RAPGEF5: variants seen among roughly 807,000 people sequenced by gnomAD.
The protein encoded by RAPGEF5 is Rap guanine nucleotide exchange factor 5.
RAPGEF5 carries 65 observed loss-of-function variants against 125.2 expected under a neutral mutation model. The ratio of observed to expected loss-of-function variants is 0.52; its 90% CI spans 0.43 to 0.64. The LOEUF (loss-of-function observed/expected upper bound fraction) is 0.64. Ranked by LOEUF, RAPGEF5 falls within the 30% of genes least tolerant of loss-of-function variation. The pLI, the probability that RAPGEF5 is intolerant of heterozygous loss-of-function variation, is 0.00. For synonymous variants in RAPGEF5, 391 were observed against 385.9 expected (o/e 1.01, Z -0.16); for missense variants, 958 against 1,048.1 (o/e 0.91, Z 1.19).
intron 9 of RAPGEF5, among the ~76,000 whole-genome samples, chr7:22,205,409 T>C (rs1243703015): frequency 6.6e-6 from 1 of 152,210 alleles, no homozygotes; most frequent in Non-Finnish European, 1.5e-5. Flanking sequence ...TGATTTGAAG[T>C]ACTCGACTGT....
In RAPGEF5 at chr7:22,263,903, C is replaced by T. The variant is rs568993467; in HGVS notation, c.796+3061G>A. Among the ~76,000 whole-genome samples, 652 of 152,076 alleles carry T rather than the reference C, an allele frequency of 4.3e-3. 6 individuals carry two copies. The highest frequency in any genetic ancestry group is 7.0e-3 in the Non-Finnish European group (473 of 67,998). ...ATAACTTTCAAATTTCTTCTTCATT[C>T]ATTCCTGTATTATAAAAGTTTTTTT... On this transcript the variant is annotated intron_variant, in intron 7 of 25. Transcript: ENST00000665637.
intron 7 of RAPGEF5, among the ~76,000 whole-genome samples, chr7:22,239,792 T>G (rs150041835): frequency 6.6e-6 from 1 of 152,184 alleles, no homozygotes; most frequent in Non-Finnish European, 1.5e-5. Flanking sequence ...GTATCTCATA[T>G]CGGTTCCTTT....
At chr7:22,139,272 G>A (rs968333518) in intron 21 of RAPGEF5, among the ~76,000 whole-genome samples, 6 of 152,140 alleles carry the variant, frequency 3.9e-5, no homozygotes, top group Admixed American at 6.5e-5. Flanking sequence ...AGAGGCAGAG[G>A]CATGATGCTT....
intron 20 of RAPGEF5, among the ~76,000 whole-genome samples, chr7:22,143,752 C>T (rs569006447): frequency 4.9e-4 from 75 of 152,312 alleles, no homozygotes; most frequent in Non-Finnish European, 8.8e-4. Context: ...TATGAGCTCT[C>T]GCTCCTCTAA....
At chr7:22,302,267 G>A (rs1480348346) in intron 5 of RAPGEF5, among the ~76,000 whole-genome samples, 2 of 152,208 alleles carry the variant, frequency 1.3e-5, no homozygotes, top group Non-Finnish European at 2.9e-5. Context: ...TTCTATCACA[G>A]TAATATTAGC....
At chr7:22,348,345 T>C (rs1265676663) in intron 1 of RAPGEF5, among the ~76,000 whole-genome samples, 1 of 152,238 alleles carries the variant, frequency 6.6e-6, no homozygotes, top group Non-Finnish European at 1.5e-5. Flanking sequence ...ATGATTTTAT[T>C]CTATTGTAAA....
chr7:22,312,401 G>A (rs1783493438), intron 3 of RAPGEF5, among the ~76,000 whole-genome samples: 1 of 152,066 alleles, frequency 6.6e-6, no homozygotes, highest in Non-Finnish European at 1.5e-5. Context: ...TAGAGCTGGG[G>A]TTTCATCATG....
At chr7:22,172,847 T>A (rs779585783) in intron 11 of RAPGEF5, among the ~76,000 whole-genome samples, 1 of 152,196 alleles carries the variant, frequency 6.6e-6, no homozygotes, top group South Asian at 2.1e-4. Flanking sequence ...TCAACACTCA[T>A]AAGCAAAATG....
intron 7 of RAPGEF5, among the ~76,000 whole-genome samples, chr7:22,244,958 C>A (rs942641716): frequency 6.6e-6 from 1 of 152,162 alleles, no homozygotes; most frequent in Non-Finnish European, 1.5e-5. Context: ...CAAGGATTAT[C>A]TTTTCTTCAT....
chr7:22,303,036 A>G (rs957641586), intron 5 of RAPGEF5, among the ~76,000 whole-genome samples: 4 of 152,144 alleles, frequency 2.6e-5, no homozygotes. Context: ...GCAAGCTGGG[A>G]GCTGCTATAA....
chr7:22,302,832 T>C (rs1385381903), intron 5 of RAPGEF5, among the ~76,000 whole-genome samples: 4 of 119,654 alleles, frequency 3.3e-5, no homozygotes, highest in Admixed American at 1.2e-4. Flanking sequence ...TAGACAAACA[T>C]CAGATCACTT....
chr7:22,303,640 G>T (rs1323439714), intron 5 of RAPGEF5, among the ~76,000 whole-genome samples: 1 of 152,186 alleles, frequency 6.6e-6, no homozygotes, highest in African/African-American at 2.4e-5. Context: ...CGTCAAAAAG[G>T]TTATTAAAAG....
At chr7:22,164,170 CA>C in intron 12 of RAPGEF5, among the ~76,000 whole-genome samples, 1 of 151,976 alleles carries the variant, frequency 6.6e-6, no homozygotes, top group Non-Finnish European at 1.5e-5. Flanking sequence ...CTCATCTCTA[CA>C]AAGAAAAAAA....
chr7:22,225,427 C>T (rs764453601), intron 8 of RAPGEF5, among the ~76,000 whole-genome samples: 1 of 152,076 alleles, frequency 6.6e-6, no homozygotes, highest in Non-Finnish European at 1.5e-5. Context: ...TATAGCATTC[C>T]TTATATTACA....
intron 7 of RAPGEF5, among the ~76,000 whole-genome samples, chr7:22,263,077 A>G (rs1782194673): frequency 6.6e-6 from 1 of 152,228 alleles, no homozygotes; most frequent in Non-Finnish European, 1.5e-5. Context: ...TAGGTTACAT[A>G]CTGTCTGATT....
chr7:22,231,861 GA>G (rs1259923547), intron 7 of RAPGEF5, among the ~76,000 whole-genome samples: 18 of 152,318 alleles, frequency 1.2e-4, no homozygotes, highest in Admixed American at 9.8e-4. Context: ...CTAAGCCTAA[GA>G]ACACGGGGAA....
At position 22,128,040 on chromosome 7, in the gene RAPGEF5, T is replaced by G. The variant is rs185592250; in HGVS notation, c.2482-2382A>C. On this transcript the variant is annotated intron_variant, in intron 24 of 25. Coordinates refer to ENST00000665637, the MANE Select transcript of RAPGEF5 (RefSeq NM_012294.5). The stretch of plus-strand genomic sequence containing the variant: ...ACTTTTCCCAGGTCAGTTTTCTCAT[T>G]TTAAGCTCTGGCGTCACATTGATTT... Among the ~76,000 whole-genome samples the G allele has an allele frequency of 1.1e-4, 16 of 152,306 alleles. No individual in the cohort carries two copies. The East Asian group carries it at 3.1e-3, about 29-fold the overall frequency.
chr7:22,276,991 A>G (rs1342154370), intron 6 of RAPGEF5, among the ~76,000 whole-genome samples: 1 of 152,198 alleles, frequency 6.6e-6, no homozygotes. Flanking sequence ...CCTAAATTAT[A>G]AACTCTTTCA....
rs115033513 is a variant in RAPGEF5, at chr7:22,130,913, G to A, written c.2481+124C>T. On this transcript the variant is annotated intron_variant, in intron 24 of 25. Transcript: ENST00000665637. ...TAAGCTCCTTGAATGAAGCAAATAA[G>A]CTCCTTGAATTCGCCATGCATCCAA... 7.1e-3 allele frequency: 9,376 copies of A among 1,329,190 alleles called. 51 individuals carry two copies. The highest frequency in any genetic ancestry group is 0.025 in the African/African-American group (1,646 of 66,938). The allele number at this position is 1,329,190 out of a possible 1,614,324, so 82.3% of individuals were successfully genotyped here.
Sources: gnomAD v4.1 joint callset for allele counts (sites outside exome capture counted in the v4.1 genomes callset) on GRCh38, gnomAD v4.1.1 for gene constraint, MANE v1.5 for transcripts, NCBI Gene and HGNC (gene_info 2026-07-23, HGNC 2026-07-21) for gene names.